KCNK5: variants seen among roughly 807,000 people sequenced by gnomAD.
The protein encoded by KCNK5 is potassium channel subfamily K member 5.
Under a neutral mutation model 32.9 loss-of-function variants are expected in KCNK5, and 18 were observed. The ratio of observed to expected loss-of-function variants is 0.55; its 90% CI spans 0.38 to 0.81. KCNK5 has a LOEUF of 0.81. Among genes scored for constraint, KCNK5 ranks in the 30% least tolerant of loss-of-function variants. The pLI, the probability that KCNK5 is intolerant of heterozygous loss-of-function variation, is 0.00. For synonymous variants in KCNK5, 276 were observed against 275.3 expected (o/e 1.00, Z -0.03); for missense variants, 507 against 651.0 (o/e 0.78, Z 2.41).
rs1347347191 is a variant in KCNK5 at position 39,195,949 on chromosome 6, T to C, written c.225A>G (p.Thr75=). 2 of 1,613,784 alleles carry C rather than the reference T, an allele frequency of 1.2e-6. No homozygotes were observed. Among genetic ancestry groups the C allele is most frequent in the Non-Finnish European group, 1.7e-6 (2 of 1,179,844 alleles). The change falls in exon 2 of 5, where the codon ACA becomes ACG. Residue 75 remains threonine, a synonymous_variant. Transcript: ENST00000359534. ...TCCAGTTGTTGAAGGTCTGGTTCCC[T>C]GTGATGGCCACACCCTGTCCTGCAG... ...SDAAGQGVAI[T]GNQTFNNWNW... is the part of the protein sequence containing the mutation.
chr6:39,228,885 G>A (rs1377583751), intron 1 of KCNK5, 41 bp downstream of exon 1: 2 of 1,601,196 alleles, frequency 1.2e-6, no homozygotes, highest in African/African-American at 2.7e-5. Context: ...TAAAGCTCAA[G>A]CCAGCTTCAG....
intron 1 of KCNK5, among the ~76,000 whole-genome samples, chr6:39,207,649 G>C (rs1771253575): frequency 6.6e-6 from 1 of 152,124 alleles, no homozygotes. Context: ...GGGTGGCGGG[G>C]GTGGGGGGTA....
chr6:39,213,237 T>C (rs1036530335), intron 1 of KCNK5, among the ~76,000 whole-genome samples: 59 of 152,368 alleles, frequency 3.9e-4, no homozygotes, highest in African/African-American at 1.3e-3. Flanking sequence ...TGCATGTATT[T>C]TATCCCTTAA....
intron 1 of KCNK5, among the ~76,000 whole-genome samples, chr6:39,225,437 G>A (rs747176897): frequency 5.9e-5 from 9 of 152,144 alleles, no homozygotes; most frequent in Non-Finnish European, 8.8e-5. Flanking sequence ...TCTGGTGCAC[G>A]GTGGGCTCTC....
intron 4 of KCNK5, among the ~76,000 whole-genome samples, chr6:39,192,023 G>C (rs180693477): frequency 2.0e-5 from 3 of 152,256 alleles, no homozygotes; most frequent in African/African-American, 7.2e-5. Flanking sequence ...GCCAGGCATG[G>C]TGGCTCACGT....
chr6:39,210,673 C>G (rs1219684876), intron 1 of KCNK5, among the ~76,000 whole-genome samples: 1 of 152,166 alleles, frequency 6.6e-6, no homozygotes, highest in African/African-American at 2.4e-5. Flanking sequence ...AAAGGAAGTG[C>G]AAGACACAGA....
intron 1 of KCNK5, among the ~76,000 whole-genome samples, chr6:39,223,585 G>A (rs973977179): frequency 2.6e-5 from 4 of 152,174 alleles, no homozygotes; most frequent in African/African-American, 9.7e-5. Flanking sequence ...ACTGGTTCTT[G>A]CAGCACCATG....
intron 1 of KCNK5, among the ~76,000 whole-genome samples, chr6:39,203,928 C>T (rs1327509891): frequency 6.6e-6 from 1 of 152,144 alleles, no homozygotes; most frequent in Non-Finnish European, 1.5e-5. Flanking sequence ...CACTGCCTCT[C>T]CCCCCGGGTC....
chr6:39,210,841 T>G (rs1471400360), intron 1 of KCNK5, among the ~76,000 whole-genome samples: 3 of 151,946 alleles, frequency 2.0e-5, no homozygotes, highest in African/African-American at 7.3e-5. Flanking sequence ...GCCCAAGCAA[T>G]GGAGCATGAA....
In KCNK5 at chr6:39,207,740, C is replaced by T. The variant is rs145843301; in HGVS notation, c.187-11753G>A. 6.3e-3 allele frequency among the ~76,000 whole-genome samples: 952 copies of T among 152,208 alleles called. 4 individuals carry two copies. The highest frequency in any genetic ancestry group is 9.8e-3 in the Non-Finnish European group (668 of 67,988). ...CATTGCTGCTGATTTCCTGCCCTTCCAGCAGTGGGAAGGAAGGATGCTCTG... is the reference window on the plus strand; with the variant it reads ...CATTGCTGCTGATTTCCTGCCCTTCTAGCAGTGGGAAGGAAGGATGCTCTG... On this transcript the variant is annotated intron_variant, in intron 1 of 4. Transcript: ENST00000359534.
intron 1 of KCNK5, among the ~76,000 whole-genome samples, chr6:39,227,586 C>T (rs1230894336): frequency 1.3e-5 from 2 of 152,158 alleles, no homozygotes; most frequent in Admixed American, 1.3e-4. Context: ...CTAGACTAAA[C>T]CTCCCCTTCT....
intron 1 of KCNK5, among the ~76,000 whole-genome samples, chr6:39,225,379 A>G (rs1479335152): frequency 6.6e-6 from 1 of 152,208 alleles, no homozygotes; most frequent in African/African-American, 2.4e-5. Context: ...GGTGGCCTGC[A>G]AGATTAAATT....
chr6:39,203,103 T>C (rs1216664906), intron 1 of KCNK5, among the ~76,000 whole-genome samples: 1 of 152,098 alleles, frequency 6.6e-6, no homozygotes, highest in Non-Finnish European at 1.5e-5. Context: ...CTGAAGCAGA[T>C]GGGCTGGCAT....
In KCNK5 at chr6:39,190,575, T is replaced by TGCAGGCAAGGCCTCC. The variant is rs1356641166; in HGVS notation, c.*300_*314dup. ...CCACCAAATGGTGAGACAAAGACCCTGCAGGCAAGGCCTCCTCAGGGTCAG... is the reference window on the plus strand; with the variant it reads ...CCACCAAATGGTGAGACAAAGACCCTGCAGGCAAGGCCTCCGCAGGCAAGGCCTCCTCAGGGTCAG... On this transcript the variant is annotated 3_prime_UTR_variant, in exon 5 of 5. Coordinates refer to ENST00000359534, the MANE Select transcript of KCNK5 (RefSeq NM_003740.4). 25 of 254,354 alleles carry TGCAGGCAAGGCCTCC rather than the reference T, an allele frequency of 9.8e-5. No homozygotes were observed. Among genetic ancestry groups the TGCAGGCAAGGCCTCC allele is most frequent in the African/African-American group, 5.3e-4 (24 of 45,036 alleles). 15.8% of individuals were successfully genotyped at this position (254,354 alleles called of 1,614,324 possible).
At position 39,194,802 on chromosome 6, in the gene KCNK5, CA is replaced by C; in HGVS notation, c.299-43del. 2.5e-6 allele frequency: 4 copies of C among 1,588,928 alleles called. No homozygotes were observed. Among genetic ancestry groups the C allele is most frequent in the Non-Finnish European group, 2.6e-6 (3 of 1,159,384 alleles). On this transcript the variant is annotated intron_variant, in intron 2 of 4. Coordinates refer to ENST00000359534, the MANE Select transcript of KCNK5 (RefSeq NM_003740.4). The surrounding 1 kb of genome is among the most constrained non-coding windows in gnomAD (Gnocchi z 4.7). ...TGAGGCCAAGAACAGGAGGGGTGGT[CA>C]AACCAGTGGGCCTTGCTTCCAACAC...
At chr6:39,211,557 T>G (rs942671329) in intron 1 of KCNK5, among the ~76,000 whole-genome samples, 1 of 152,170 alleles carries the variant, frequency 6.6e-6, no homozygotes. Context: ...CCAAGAGAAC[T>G]CTCCGATGAT....
intron 1 of KCNK5, among the ~76,000 whole-genome samples, chr6:39,209,819 G>C (rs1771298314): frequency 6.6e-6 from 1 of 152,200 alleles, no homozygotes; most frequent in Non-Finnish European, 1.5e-5. Flanking sequence ...TGACAGATGA[G>C]CCTGTATAGC....
rs1294354609 is a variant in KCNK5 at position 39,229,412 on chromosome 6, C to G, written c.-301G>C. 2.4e-6 allele frequency: 1 copy of G among 418,748 alleles called. No homozygotes were observed. Among genetic ancestry groups the G allele is most frequent in the African/African-American group, 2.0e-5 (1 of 49,766 alleles). 25.9% of individuals were successfully genotyped at this position (418,748 alleles called of 1,614,324 possible). A position where few individuals can be genotyped will look rare whatever the true frequency, so the allele number is the denominator to read the frequency against. On this transcript the variant is annotated 5_prime_UTR_variant, in exon 1 of 5. Coordinates refer to ENST00000359534, the MANE Select transcript of KCNK5 (RefSeq NM_003740.4). ...GGAGCGGGAAGAACACAGGACTTGA[C>G]TCTGGGCAGACACGTGGGCCGCTTC...
At chr6:39,221,462 G>A (rs1771547152) in intron 1 of KCNK5, among the ~76,000 whole-genome samples, 1 of 152,186 alleles carries the variant, frequency 6.6e-6, no homozygotes, top group Non-Finnish European at 1.5e-5. Flanking sequence ...AATGGGAATA[G>A]CAATACCTAG....
Sources: allele counts gnomAD v4.1 joint callset (sites outside exome capture counted in the v4.1 genomes callset), GRCh38; gene constraint gnomAD v4.1.1; non-coding constraint Gnocchi (gnomAD v3.1); transcripts MANE v1.5; gene names NCBI Gene and HGNC (gene_info 2026-07-23, HGNC 2026-07-21).